PCSK5: variants seen among roughly 807,000 people sequenced by gnomAD.
PCSK5 encodes the protein prohormone convertase 5.
Under a neutral mutation model 233.2 loss-of-function variants are expected in PCSK5, and 129 were observed. The observed-to-expected ratio is 0.55, with a 90% CI of 0.48 to 0.64. The LOEUF (loss-of-function observed/expected upper bound fraction) is 0.64. Ranked by LOEUF, PCSK5 falls within the 30% of genes least tolerant of loss-of-function variation. PCSK5 has a pLI of 0.00. For missense variants in PCSK5, 2,076 were observed against 2,430.1 expected (o/e 0.85, Z 3.06); for synonymous variants, 825 against 879.2 (o/e 0.94, Z 1.09).
At chr9:75,967,795 C>G (rs988878214) in intron 2 of PCSK5, among the ~76,000 whole-genome samples, 1 of 149,306 alleles carries the variant, frequency 6.7e-6, no homozygotes, top group African/African-American at 2.5e-5. Context: ...GAGTTTCACT[C>G]TTGTTGCCGA....
intron 3 of PCSK5, among the ~76,000 whole-genome samples, chr9:76,010,048 G>T (rs1407711298): frequency 2.0e-5 from 3 of 152,158 alleles, no homozygotes; most frequent in African/African-American, 7.2e-5. Context: ...GATACTGAGG[G>T]ATTTCTTTCT....
In PCSK5 at chr9:76,328,030, C is replaced by A. The variant is rs61744763; in HGVS notation, c.4361C>A (p.Thr1454Asn). ...ECRDCHKSCL[T>N]CSSSGTCTTC... ...ACAGATTGCCACAAGTCCTGCTTGA[C>A]CTGCTCATCATCTGGGACCTGCACC... The change falls in exon 33 of 38, where the codon ACC (threonine) becomes AAC (asparagine). Residue 1454 changes from threonine (T) to asparagine (N), a missense_variant. Around this residue, in one of 6 missense-constraint regions of PCSK5, gnomAD observed 1,510 missense variants for 1,538.1 expected, o/e 0.98. Transcript: ENST00000674117. The A allele has an allele frequency of 6.2e-7, 1 of 1,612,278 alleles. No individual in the cohort carries two copies. Among genetic ancestry groups the A allele is most frequent in the Non-Finnish European group, 8.5e-7 (1 of 1,179,332 alleles).
intron 3 of PCSK5, among the ~76,000 whole-genome samples, chr9:76,022,775 C>T (rs1232135267): frequency 6.6e-5 from 10 of 152,210 alleles, no homozygotes; most frequent in Non-Finnish European, 1.3e-4. Context: ...GCCTTCCCCT[C>T]GAAGCCTTCA....
At position 76,328,000 on chromosome 9, in the gene PCSK5, C is replaced by T. The variant is rs1045072741; in HGVS notation, c.4340-9C>T. 2.3e-5 allele frequency: 36 copies of T among 1,583,574 alleles called. No homozygotes were observed. The highest frequency in any genetic ancestry group is 1.1e-4 in the East Asian group (5 of 44,820). The stretch of plus-strand genomic sequence containing the variant: ...GCTCACTCTGTCTGCTGCCCCTCCA[C>T]GCCCACAGATTGCCACAAGTCCTGC... On this transcript the variant is annotated splice_polypyrimidine_tract_variant and intron_variant, in intron 32 of 37. Transcript: ENST00000674117.
intron 35 of PCSK5, among the ~76,000 whole-genome samples, chr9:76,345,625 T>C (rs1829958813): frequency 6.6e-6 from 1 of 151,826 alleles, no homozygotes; most frequent in Admixed American, 6.6e-5. Context: ...GGTTTCACCA[T>C]GTTAGACAGG....
intron 10 of PCSK5, among the ~76,000 whole-genome samples, chr9:76,140,690 C>G (rs999607912): frequency 6.6e-6 from 1 of 151,996 alleles, no homozygotes; most frequent in Non-Finnish European, 1.5e-5. Flanking sequence ...TGCAACTATA[C>G]TTAAATTCTG....
chr9:76,263,644 G>A (rs1015836359), intron 24 of PCSK5, among the ~76,000 whole-genome samples: 1 of 151,834 alleles, frequency 6.6e-6, no homozygotes, highest in Non-Finnish European at 1.5e-5. Context: ...GGGGGGAGTG[G>A]GGAGGGATAG....
chr9:76,344,324 T>C (rs963874380), intron 35 of PCSK5, among the ~76,000 whole-genome samples: 1 of 93,632 alleles, frequency 1.1e-5, no homozygotes, highest in African/African-American at 3.6e-5. Context: ...ATCTGATGCC[T>C]CTCCATGCTC....
chr9:75,999,707 A>C (rs895618809), intron 3 of PCSK5, among the ~76,000 whole-genome samples: 2 of 152,210 alleles, frequency 1.3e-5, no homozygotes, highest in African/African-American at 4.8e-5. Flanking sequence ...CATTATGAAC[A>C]TGTCACAGTG....
chr9:76,110,368 C>T (rs1238244036), intron 9 of PCSK5, among the ~76,000 whole-genome samples: 1 of 152,186 alleles, frequency 6.6e-6, no homozygotes, highest in Non-Finnish European at 1.5e-5. Context: ...CTGAATATCA[C>T]CAGATTACTG....
At chr9:76,099,576 C>T (rs1374697046) in intron 8 of PCSK5, among the ~76,000 whole-genome samples, 3 of 152,160 alleles carry the variant, frequency 2.0e-5, no homozygotes, top group Non-Finnish European at 4.4e-5. Context: ...ACACTCTGAT[C>T]GGGAACATGT....
intron 5 of PCSK5, among the ~76,000 whole-genome samples, chr9:76,064,685 C>T (rs1432575781): frequency 1.3e-5 from 2 of 149,718 alleles, no homozygotes; most frequent in Non-Finnish European, 3.0e-5. Context: ...GGTCTCCTCA[C>T]TTCTCAGACG....
chr9:76,122,257 C>A (rs1380982062), intron 9 of PCSK5, among the ~76,000 whole-genome samples: 6 of 151,508 alleles, frequency 4.0e-5, no homozygotes, highest in African/African-American at 1.5e-4. Flanking sequence ...GTTTTTCTTT[C>A]TTTCTTTTTA....
At chr9:76,243,772 T>C (rs1826499075) in intron 24 of PCSK5, among the ~76,000 whole-genome samples, 1 of 152,204 alleles carries the variant, frequency 6.6e-6, no homozygotes. Flanking sequence ...AAATATGAAT[T>C]AATGCATGAA....
chr9:75,892,897 A>G (rs1208232164), intron 1 of PCSK5, among the ~76,000 whole-genome samples: 1 of 152,164 alleles, frequency 6.6e-6, no homozygotes. Context: ...CTGCCCCTGG[A>G]ACTAAGGAAG....
intron 24 of PCSK5, among the ~76,000 whole-genome samples, chr9:76,254,509 C>T (rs1826915016): frequency 1.3e-5 from 2 of 151,704 alleles, no homozygotes; most frequent in Admixed American, 1.3e-4. Flanking sequence ...CCCAAGTATT[C>T]TGTTATCTCA....
At chr9:76,098,663 G>C (rs948173937) in intron 8 of PCSK5, among the ~76,000 whole-genome samples, 1 of 152,180 alleles carries the variant, frequency 6.6e-6, no homozygotes, top group African/African-American at 2.4e-5. Context: ...TTCTCTATGG[G>C]GTGATTGCTA....
intron 2 of PCSK5, among the ~76,000 whole-genome samples, chr9:75,982,027 A>C (rs1826297179): frequency 6.6e-6 from 1 of 152,210 alleles, no homozygotes; most frequent in Non-Finnish European, 1.5e-5. Flanking sequence ...CCAGTTTATC[A>C]GGTTTTTTGT....
At chr9:76,196,794 C>T (rs1824721950) in intron 20 of PCSK5, among the ~76,000 whole-genome samples, 1 of 152,146 alleles carries the variant, frequency 6.6e-6, no homozygotes, top group Non-Finnish European at 1.5e-5. Context: ...AATGTATTAT[C>T]CTCCATTTAC....
Sources: gnomAD v4.1 joint callset for allele counts (sites outside exome capture counted in the v4.1 genomes callset) on GRCh38, gnomAD v4.1.1 for gene constraint, gnomAD v4.1.1 regional missense constraint, MANE v1.5 for transcripts, NCBI Gene and HGNC (gene_info 2026-07-23, HGNC 2026-07-21) for gene names.